Variants in CHRM3 observed in about 807,000 individuals in gnomAD.
CHRM3 encodes muscarinic acetylcholine receptor M3.
CHRM3 carries 11 observed loss-of-function variants against 41.8 expected under a neutral mutation model. The observed-to-expected ratio is 0.26, with a 90% confidence interval of 0.17 to 0.44. The LOEUF is 0.44. CHRM3 is among the 20% of genes least tolerant of loss of function. The probability of loss-of-function intolerance (pLI) is 1.00; values close to 1 mark genes in which losing one functional copy is unlikely to be tolerated. For missense variants in CHRM3, 571 were observed against 745.4 expected (o/e 0.77, Z 2.72); for synonymous variants, 297 against 301.4 (o/e 0.99, Z 0.15).
Position 239,758,674 on chromosome 1 carries a change from C to T in CHRM3, c.-146-68578C>T, listed in dbSNP as rs193287606. Among the ~76,000 whole-genome samples the T allele has an allele frequency of 2.7e-3, 405 of 152,228 alleles. 1 individual carries two copies. The highest frequency in any genetic ancestry group is 5.1e-3 in the African/African-American group (210 of 41,532). On this transcript the variant is annotated intron_variant, in intron 5 of 6. Coordinates refer to ENST00000676153, the MANE Select transcript of CHRM3 (RefSeq NM_001375978.1). ...TATCAAAAGCAGTTCTGCTTCAAAT[C>T]GCCTGGACTATTAAAAGCAATTTTT...
intron 6 of CHRM3, among the ~76,000 whole-genome samples, chr1:239,848,481 G>A (rs909141021): frequency 6.6e-6 from 1 of 151,918 alleles, no homozygotes; most frequent in African/African-American, 2.4e-5. Context: ...ACAATTCACC[G>A]ACTGCTTAGT....
At chr1:239,722,146 G>C (rs1016103566) in intron 5 of CHRM3, among the ~76,000 whole-genome samples, 3 of 151,910 alleles carry the variant, frequency 2.0e-5, no homozygotes, top group Non-Finnish European at 4.4e-5. Context: ...GCCAAAGTCT[G>C]TGAAGCAATG....
chr1:239,539,589 A>G (rs1335585771), intron 2 of CHRM3, among the ~76,000 whole-genome samples: 2 of 152,192 alleles, frequency 1.3e-5, no homozygotes, highest in Non-Finnish European at 2.9e-5. Context: ...GACCACTTAT[A>G]CAAGAGTAGT....
chr1:239,646,235 A>T (rs575962883), intron 4 of CHRM3, among the ~76,000 whole-genome samples: 1 of 152,316 alleles, frequency 6.6e-6, no homozygotes, highest in East Asian at 1.9e-4. Flanking sequence ...ATAGCTATTC[A>T]ATTCCTGTTA....
chr1:239,553,545 T>C lies in CHRM3; in HGVS notation c.-313+7796T>C, dbSNP rs76759221. On this transcript the variant is annotated intron_variant, in intron 3 of 6. Coordinates refer to ENST00000676153, the MANE Select transcript of CHRM3 (RefSeq NM_001375978.1). ...ACATGTTTTCTTATGTCTTGTTTCT[T>C]TCACTTGAATGATTGATGTAAATGC... Among the ~76,000 whole-genome samples, 853 of 152,272 alleles carry C rather than the reference T, an allele frequency of 5.6e-3. 4 individuals are homozygous for C. Among genetic ancestry groups the C allele is most frequent in the Non-Finnish European group, 8.7e-3 (591 of 68,016 alleles).
intron 6 of CHRM3, among the ~76,000 whole-genome samples, chr1:239,885,522 G>A (rs12069272): frequency 3.5e-4 from 53 of 151,984 alleles, no homozygotes; most frequent in African/African-American, 1.1e-3. Flanking sequence ...TTCTTGTACC[G>A]AGAGCAATAT....
At chr1:239,562,382 G>A (rs1421971822) in intron 3 of CHRM3, among the ~76,000 whole-genome samples, 1 of 152,044 alleles carries the variant, frequency 6.6e-6, no homozygotes, top group South Asian at 2.1e-4. Context: ...GTTATGCATC[G>A]TGGAGCTAAT....
At chr1:239,699,577 C>T (rs930400790) in intron 5 of CHRM3, among the ~76,000 whole-genome samples, 4 of 152,108 alleles carry the variant, frequency 2.6e-5, no homozygotes, top group Admixed American at 6.6e-5. Context: ...TTAAGTCACC[C>T]GATCTGTAGC....
intron 4 of CHRM3, among the ~76,000 whole-genome samples, chr1:239,669,374 T>C (rs1573217890): frequency 6.6e-6 from 1 of 152,350 alleles, no homozygotes; most frequent in East Asian, 1.9e-4. Flanking sequence ...GTGGCATTTC[T>C]CTACACGTTG....
At chr1:239,470,165 T>C (rs1014553787) in intron 1 of CHRM3, among the ~76,000 whole-genome samples, 2 of 152,084 alleles carry the variant, frequency 1.3e-5, no homozygotes, top group African/African-American at 4.8e-5. Context: ...GAGGAAGATT[T>C]GAGACCCAGA....
intron 1 of CHRM3, among the ~76,000 whole-genome samples, chr1:239,412,584 A>G (rs1313265051): frequency 6.6e-6 from 1 of 151,482 alleles, no homozygotes; most frequent in African/African-American, 2.4e-5. Context: ...AAATGAGTAT[A>G]TGTGTGCACA....
intron 2 of CHRM3, among the ~76,000 whole-genome samples, chr1:239,531,949 G>A (rs1252140351): frequency 1.3e-5 from 2 of 148,944 alleles, no homozygotes; most frequent in Non-Finnish European, 3.0e-5. Flanking sequence ...TCGAGCCGCC[G>A]TGCCTGGCCT....
chr1:239,476,463 C>CAAAAAAAAAA (rs71567246), intron 1 of CHRM3, among the ~76,000 whole-genome samples: 1 of 117,704 alleles, frequency 8.5e-6, no homozygotes, highest in African/African-American at 3.5e-5. Flanking sequence ...AGACTCCATC[C>CAAAAAAAAAA]AAAAAAAAAA....
chr1:239,727,603 A>G (rs1317548398), intron 5 of CHRM3: 6 of 151,894 alleles, frequency 4.0e-5, no homozygotes, highest in African/African-American at 1.2e-4. Flanking sequence ...TAAAGAGAAC[A>G]TGAGAGAAGC....
intron 3 of CHRM3, among the ~76,000 whole-genome samples, chr1:239,574,107 G>A (rs1318381366): frequency 1.3e-5 from 2 of 152,106 alleles, no homozygotes; most frequent in African/African-American, 4.8e-5. Context: ...TACACAGATA[G>A]TTTTTGGTTA....
chr1:239,654,085 T>C (rs903380604), intron 4 of CHRM3, among the ~76,000 whole-genome samples: 11 of 152,160 alleles, frequency 7.2e-5, no homozygotes, highest in Admixed American at 4.6e-4. Context: ...TGTCAGCCTC[T>C]TGAGTAGCTG....
At chr1:239,510,183 A>G (rs1380266984) in intron 2 of CHRM3, among the ~76,000 whole-genome samples, 2 of 152,226 alleles carry the variant, frequency 1.3e-5, no homozygotes, top group African/African-American at 2.4e-5. Context: ...GTTGACATTT[A>G]AGATTGATTC....
At chr1:239,728,373 T>C (rs1017687115) in intron 5 of CHRM3, among the ~76,000 whole-genome samples, 1 of 151,892 alleles carries the variant, frequency 6.6e-6, no homozygotes, top group Non-Finnish European at 1.5e-5. Context: ...TGTAACCAAC[T>C]CTCTGATAAA....
At chr1:239,421,228 A>C (rs2103100980) in intron 1 of CHRM3, among the ~76,000 whole-genome samples, 1 of 152,350 alleles carries the variant, frequency 6.6e-6, no homozygotes, top group South Asian at 2.1e-4. Context: ...GCTTGTTAAA[A>C]AATTCTTTCT....
Sources: allele counts gnomAD v4.1 joint callset (sites outside exome capture counted in the v4.1 genomes callset), GRCh38; gene constraint gnomAD v4.1.1; transcripts MANE v1.5; gene names NCBI Gene and HGNC (gene_info 2026-07-23, HGNC 2026-07-21).